The following DOP1B variants were observed in gnomAD, a reference collection of about 807,000 sequenced individuals.
DOP1B encodes protein DOP1B.
In DOP1B, 174 loss-of-function variants were observed where a neutral mutation model predicts 233.5. That is an observed-to-expected ratio of 0.75 (90% confidence interval 0.66 to 0.85). DOP1B has a LOEUF of 0.85. Among genes scored for constraint, DOP1B ranks in the 40% least tolerant of loss-of-function variants. DOP1B has a pLI of 0.00. For missense variants in DOP1B, 2,652 were observed against 2,846.6 expected (o/e 0.93, Z 1.56); for synonymous variants, 1,190 against 1,185.6 (o/e 1.00, Z -0.08).
chr21:36,265,834 CAT>C (rs1357553524), intron 26 of DOP1B, among the ~76,000 whole-genome samples: 2 of 152,178 alleles, frequency 1.3e-5, no homozygotes, highest in African/African-American at 2.4e-5. Flanking sequence ...ACTCTCGTAA[CAT>C]AGAATCCTTC....
chr21:36,209,996 G>A (rs529367769), intron 5 of DOP1B, among the ~76,000 whole-genome samples: 72 of 151,974 alleles, frequency 4.7e-4, no homozygotes, highest in Non-Finnish European at 9.1e-4. Context: ...AAAGCGCCTC[G>A]CACAATGATC....
chr21:36,258,188 T>C (rs2067129815), intron 23 of DOP1B, among the ~76,000 whole-genome samples: 1 of 152,066 alleles, frequency 6.6e-6, no homozygotes, highest in Admixed American at 6.6e-5. Flanking sequence ...AGCAGGGGGA[T>C]TGCTTGAGCC....
chr21:36,188,455 A>T (rs952100124), intron 2 of DOP1B, among the ~76,000 whole-genome samples: 3 of 152,188 alleles, frequency 2.0e-5, no homozygotes, highest in Non-Finnish European at 4.4e-5. Flanking sequence ...CACCATGAGC[A>T]CTTGGGAAGT....
rs563066977 is a variant in DOP1B at position 36,227,211 on chromosome 21, A to AAAAT, written c.1474-455_1474-452dup. Among the ~76,000 whole-genome samples, 166 of 150,462 alleles carry AAAAT rather than the reference A, an allele frequency of 1.1e-3. 2 individuals carry two copies. Among genetic ancestry groups the AAAAT allele is most frequent in the Middle Eastern group, 7.0e-3 (2 of 286 alleles). ...TGACAGAGTGAGACTTCATCTCAAA[A>AAAAT]AAATAAATAAATAAATAAATAAAAT... is the stretch of plus-strand genomic sequence containing the variant. On this transcript the variant is annotated intron_variant, in intron 12 of 36. Transcript: ENST00000691173.
intron 1 of DOP1B, among the ~76,000 whole-genome samples, chr21:36,157,190 G>A (rs1467218170): frequency 1.3e-5 from 2 of 152,088 alleles, no homozygotes; most frequent in African/African-American, 4.8e-5. Context: ...GGGGAGACTG[G>A]GTGGGGTCCC....
chr21:36,188,975 T>C lies in DOP1B; in HGVS notation c.139-10095T>C, dbSNP rs561642505. On this transcript the variant is annotated intron_variant, in intron 2 of 36. Coordinates refer to ENST00000691173, the MANE Select transcript of DOP1B (RefSeq NM_001320714.2). Reference sequence around the variant, plus strand: ...TAAAATACATATAAACAAATTGTGGTAAAATACATATAACATAAAATTTAC... The same window carrying C: ...TAAAATACATATAAACAAATTGTGGCAAAATACATATAACATAAAATTTAC... 5.9e-5 allele frequency among the ~76,000 whole-genome samples: 9 copies of C among 152,336 alleles called. No individual in the cohort carries two copies. The South Asian group carries it at 1.9e-3, about 32-fold the overall frequency.
At chr21:36,226,964 G>A (rs1308699347) in intron 12 of DOP1B, among the ~76,000 whole-genome samples, 1 of 152,082 alleles carries the variant, frequency 6.6e-6, no homozygotes, top group Non-Finnish European at 1.5e-5. Flanking sequence ...CCAGCACTTT[G>A]GGAGGCCGAG....
At chr21:36,282,354 G>C (rs557916852) in intron 32 of DOP1B, among the ~76,000 whole-genome samples, 2 of 152,126 alleles carry the variant, frequency 1.3e-5, no homozygotes, top group Non-Finnish European at 2.9e-5. Flanking sequence ...GGAGGCCAAG[G>C]TTGCAGTAAG....
rs2066946271 is a variant in DOP1B, at chr21:36,245,390, A to T, written c.3410A>T (p.Glu1137Val). The T allele has an allele frequency of 1.2e-6, 2 of 1,613,898 alleles. No homozygotes were observed. Among genetic ancestry groups the T allele is most frequent in the African/African-American group, 2.7e-5 (2 of 74,920 alleles). The change falls in exon 19 of 37, where the codon GAG (glutamate) becomes GTG (valine). Residue 1137 changes from glutamate to valine, a missense_variant. Around this residue, in one of 3 missense-constraint regions of DOP1B, gnomAD observed 2,617 missense variants for 2,794.3 expected, o/e 0.94. Coordinates refer to ENST00000691173, the MANE Select transcript of DOP1B (RefSeq NM_001320714.2). The surrounding 1 kb of genome is among the most constrained non-coding windows in gnomAD (Gnocchi z 5.5). Reference sequence around the variant, plus strand: ...TCCTCCCCTTCCCACGACCTGCAGGAGCTGAGCAACGAAGAGAACTGCTGT... The same window carrying T: ...TCCTCCCCTTCCCACGACCTGCAGGTGCTGAGCAACGAAGAGAACTGCTGT... ...SFSSPSHDLQ[E>V]LSNEENCCAP...
rs560066562 is a variant in DOP1B, at chr21:36,265,117, C to T, written c.5487+1303C>T. 7.6e-4 allele frequency among the ~76,000 whole-genome samples: 116 copies of T among 152,280 alleles called. 1 individual carries two copies. The highest frequency in any genetic ancestry group is 1.5e-3 in the Non-Finnish European group (99 of 68,024). Reference sequence around the variant, plus strand: ...GAGTACTGTATAAAGTGCAGTAGGCCGTGTGCGGTGGCTCACGCCTGCAAT... The same window carrying T: ...GAGTACTGTATAAAGTGCAGTAGGCTGTGTGCGGTGGCTCACGCCTGCAAT... On this transcript the variant is annotated intron_variant, in intron 26 of 36. Coordinates refer to ENST00000691173, the MANE Select transcript of DOP1B (RefSeq NM_001320714.2).
chr21:36,254,821 A>C (rs187305104), intron 23 of DOP1B, among the ~76,000 whole-genome samples: 64 of 152,212 alleles, frequency 4.2e-4, no homozygotes, highest in Middle Eastern at 3.4e-3. Flanking sequence ...CTAGGGATCC[A>C]TGCTAGTGTT....
chr21:36,174,121 C>T (rs1005815823), intron 2 of DOP1B, among the ~76,000 whole-genome samples: 9 of 152,116 alleles, frequency 5.9e-5, no homozygotes, highest in African/African-American at 1.4e-4. Flanking sequence ...GGGAAGAACA[C>T]GGGTTGGAGC....
At chr21:36,231,684 T>TG (rs1461425094) in intron 14 of DOP1B, among the ~76,000 whole-genome samples, 1 of 150,440 alleles carries the variant, frequency 6.6e-6, no homozygotes, top group African/African-American at 2.4e-5. Context: ...TTTTTGTTTT[T>TG]TTTTTTTTTT....
At chr21:36,165,209 TG>T (rs1157630028) in intron 2 of DOP1B, among the ~76,000 whole-genome samples, 2 of 152,216 alleles carry the variant, frequency 1.3e-5, no homozygotes, top group Admixed American at 1.3e-4. Context: ...TTCTTAACAA[TG>T]TTAATGTCTA....
At chr21:36,164,367 C>T (rs1291432249) in intron 1 of DOP1B, among the ~76,000 whole-genome samples, 6 of 152,136 alleles carry the variant, frequency 3.9e-5, no homozygotes, top group African/African-American at 7.2e-5. Flanking sequence ...ATGGGAGGGG[C>T]TGTGCTCATT....
At chr21:36,205,034 A>G (rs2083263766) in intron 4 of DOP1B, among the ~76,000 whole-genome samples, 1 of 151,836 alleles carries the variant, frequency 6.6e-6, no homozygotes, top group Non-Finnish European at 1.5e-5. Context: ...CCCCCTCTTT[A>G]GCGCTGTTTC....
chr21:36,242,640 A>G (rs1482695160), intron 18 of DOP1B, among the ~76,000 whole-genome samples: 1 of 152,112 alleles, frequency 6.6e-6, no homozygotes, highest in Non-Finnish European at 1.5e-5. Flanking sequence ...GTTCCCCAGC[A>G]CTACCTTGCT....
chr21:36,201,627 C>T lies in DOP1B; in HGVS notation c.491+1126C>T, dbSNP rs533236078. Among the ~76,000 whole-genome samples, 254 of 151,858 alleles carry T rather than the reference C, an allele frequency of 1.7e-3. 1 individual carries two copies. The highest frequency in any genetic ancestry group is 5.3e-3 in the African/African-American group (218 of 41,448). On this transcript the variant is annotated intron_variant, in intron 4 of 36. Coordinates refer to ENST00000691173, the MANE Select transcript of DOP1B (RefSeq NM_001320714.2). Reference sequence around the variant, plus strand: ...CCTCCCAAAGTGCTGGGATTACAGGCGTGAGCCACCACACACGGCTCATAT... The same window carrying T: ...CCTCCCAAAGTGCTGGGATTACAGGTGTGAGCCACCACACACGGCTCATAT...
intron 27 of DOP1B, among the ~76,000 whole-genome samples, chr21:36,271,861 G>C (rs753693654): frequency 2.6e-5 from 4 of 151,974 alleles, no homozygotes; most frequent in Non-Finnish European, 1.5e-5. Flanking sequence ...AGCTGGGAGG[G>C]TTGGCTCATG....
Sources: allele counts gnomAD v4.1 joint callset (sites outside exome capture counted in the v4.1 genomes callset), GRCh38; gene constraint gnomAD v4.1.1; regional missense constraint gnomAD v4.1.1; non-coding constraint Gnocchi (gnomAD v3.1); transcripts MANE v1.5; gene names NCBI Gene and HGNC (gene_info 2026-07-23, HGNC 2026-07-21).